Variants in PRLR observed in about 807,000 individuals in gnomAD.
PRLR encodes hPRL receptor.
A neutral mutation model predicts 40.2 loss-of-function variants in PRLR; 13 were observed. The observed-to-expected ratio is 0.32, with a 90% CI of 0.21 to 0.51. The LOEUF (loss-of-function observed/expected upper bound fraction) is 0.51, where lower values mean the gene tolerates loss of function less well. Ranked by LOEUF, PRLR falls within the 20% of genes least tolerant of loss-of-function variation. The pLI is 0.97. For synonymous variants in PRLR, 269 were observed against 278.7 expected, an observed-to-expected ratio of 0.97 and a Z score of 0.35; for missense variants, 656 against 747.3, an observed-to-expected ratio of 0.88 and a Z score of 1.42.
chr5:35,230,026 C>G (rs1020599108), intron 1 of PRLR, among the ~76,000 whole-genome samples: 2 of 152,122 alleles, frequency 1.3e-5, no homozygotes, highest in Non-Finnish European at 2.9e-5. Context: ...GGCAAAGCAC[C>G]TTAAGAGTAT....
Position 35,092,944 on chromosome 5 carries a change from T to C in PRLR, c.-43-3281A>G, listed in dbSNP as rs1221111200. Among the ~76,000 whole-genome samples the C allele has an allele frequency of 2.0e-5, 3 of 152,260 alleles. No homozygotes were observed. The East Asian group carries it at 5.8e-4, about 29-fold the overall frequency. ...CCCTTAAGCTCCTCCCCTTACCATATGCAAATATGCCTTCCCACCACACTG... is the reference window on the plus strand; with the variant it reads ...CCCTTAAGCTCCTCCCCTTACCATACGCAAATATGCCTTCCCACCACACTG... On this transcript the variant is annotated intron_variant, in intron 2 of 9. Coordinates refer to ENST00000618457, the MANE Select transcript of PRLR (RefSeq NM_000949.7).
At chr5:35,109,798 A>T (rs1157321920) in intron 2 of PRLR, among the ~76,000 whole-genome samples, 1 of 152,236 alleles carries the variant, frequency 6.6e-6, no homozygotes, top group East Asian at 1.9e-4. Flanking sequence ...CCATTGTGGA[A>T]GACAGCGTGG....
At chr5:35,097,107 G>GACT (rs1239630862) in intron 2 of PRLR, among the ~76,000 whole-genome samples, 1 of 152,082 alleles carries the variant, frequency 6.6e-6, no homozygotes, top group Non-Finnish European at 1.5e-5. Flanking sequence ...GTCCTCTAAG[G>GACT]CAGCCTTCCT....
intron 1 of PRLR, among the ~76,000 whole-genome samples, chr5:35,128,736 C>T (rs1263057081): frequency 6.6e-6 from 1 of 152,144 alleles, no homozygotes. Context: ...GAATAAATAG[C>T]AATGAACAAG....
chr5:35,152,306 T>C (rs1384057979), intron 1 of PRLR, among the ~76,000 whole-genome samples: 1 of 152,210 alleles, frequency 6.6e-6, no homozygotes, highest in East Asian at 1.9e-4. Context: ...TATTAAAAGA[T>C]ATTTATACAT....
At chr5:35,088,050 G>C (rs1770972794) in intron 3 of PRLR, among the ~76,000 whole-genome samples, 1 of 152,236 alleles carries the variant, frequency 6.6e-6, no homozygotes, top group Admixed American at 6.5e-5. Flanking sequence ...CAGCAGGTTA[G>C]GAGGAGACCT....
chr5:35,050,137 G>T (rs1047534129), intron 8 of PRLR, among the ~76,000 whole-genome samples: 5 of 152,094 alleles, frequency 3.3e-5, no homozygotes, highest in African/African-American at 1.2e-4. Context: ...GACCTCAGGT[G>T]ATCCGCCCGC....
At chr5:35,156,665 T>A (rs759004591) in intron 1 of PRLR, among the ~76,000 whole-genome samples, 3 of 152,168 alleles carry the variant, frequency 2.0e-5, no homozygotes, top group Non-Finnish European at 4.4e-5. Context: ...TTGTCTACAA[T>A]GCTCTTCCTC....
intron 1 of PRLR, among the ~76,000 whole-genome samples, chr5:35,184,974 A>C (rs910184550): frequency 6.6e-6 from 1 of 152,258 alleles, no homozygotes; most frequent in Non-Finnish European, 1.5e-5. Flanking sequence ...GTCCACCTCT[A>C]GATTATAGCA....
chr5:35,131,242 G>C (rs561528845), intron 1 of PRLR, among the ~76,000 whole-genome samples: 2 of 152,176 alleles, frequency 1.3e-5, no homozygotes, highest in African/African-American at 4.8e-5. Flanking sequence ...ATGGGATTTT[G>C]TTGGCCTAAT....
intron 6 of PRLR, among the ~76,000 whole-genome samples, chr5:35,071,814 G>A (rs1190459812): frequency 6.6e-6 from 1 of 151,816 alleles, no homozygotes; most frequent in Non-Finnish European, 1.5e-5. Context: ...TGGTCAGGCT[G>A]GTCTCAAACT....
rs1160529328 is a variant in PRLR at position 35,211,907 on chromosome 5, G to C, written c.-106+18361C>G. ...TTCCAGCAAATACTTGGCATTAAGA[G>C]AGTCTAGTTTTATTGAAACACAGCC... On this transcript the variant is annotated intron_variant, in intron 1 of 9. Coordinates refer to ENST00000618457, the MANE Select transcript of PRLR (RefSeq NM_000949.7). Among the ~76,000 whole-genome samples the C allele has an allele frequency of 1.3e-5, 2 of 152,190 alleles. 1 individual carries two copies. Among genetic ancestry groups the C allele is most frequent in the Admixed American group, 1.3e-4 (2 of 15,280 alleles).
At chr5:35,082,379 T>C (rs1770578040) in intron 5 of PRLR, among the ~76,000 whole-genome samples, 1 of 152,234 alleles carries the variant, frequency 6.6e-6, no homozygotes, top group South Asian at 2.1e-4. Context: ...GTTGAGGATG[T>C]ATCTTTTAGA....
At chr5:35,070,598 C>T (rs1769684471) in intron 6 of PRLR, among the ~76,000 whole-genome samples, 1 of 151,706 alleles carries the variant, frequency 6.6e-6, no homozygotes, top group South Asian at 2.1e-4. Context: ...AATCCCAGCA[C>T]TTTGGGAGGC....
intron 2 of PRLR, among the ~76,000 whole-genome samples, chr5:35,108,505 A>G (rs1772426301): frequency 6.6e-6 from 1 of 152,174 alleles, no homozygotes; most frequent in African/African-American, 2.4e-5. Flanking sequence ...CTGATAAGCA[A>G]CTTCAGCAAA....
chr5:35,104,513 C>G (rs761566293), intron 2 of PRLR, among the ~76,000 whole-genome samples: 5 of 152,132 alleles, frequency 3.3e-5, no homozygotes, highest in Non-Finnish European at 7.4e-5. Flanking sequence ...AATCGGGACA[C>G]TCCAACTCTA....
At chr5:35,175,838 T>A (rs1356409601) in intron 1 of PRLR, among the ~76,000 whole-genome samples, 2 of 151,808 alleles carry the variant, frequency 1.3e-5, no homozygotes, top group Non-Finnish European at 2.9e-5. Context: ...CTTCTTATTG[T>A]TCAACTATCA....
At chr5:35,106,047 C>T (rs954253778) in intron 2 of PRLR, among the ~76,000 whole-genome samples, 1 of 152,174 alleles carries the variant, frequency 6.6e-6, no homozygotes, top group African/African-American at 2.4e-5. Flanking sequence ...ACTCTGCAAG[C>T]CAGAAGAGAG....
At chr5:35,203,161 G>A (rs1481879791) in intron 1 of PRLR, among the ~76,000 whole-genome samples, 1 of 152,166 alleles carries the variant, frequency 6.6e-6, no homozygotes, top group Admixed American at 6.5e-5. Flanking sequence ...CCACCTTGTT[G>A]ACATGTTACC....
Sources: allele counts gnomAD v4.1 joint callset (sites outside exome capture counted in the v4.1 genomes callset), GRCh38; gene constraint gnomAD v4.1.1; transcripts MANE v1.5; gene names NCBI Gene and HGNC (gene_info 2026-07-23, HGNC 2026-07-21).